MIS18BP1: variants seen among roughly 807,000 people sequenced by gnomAD.
MIS18BP1 encodes the protein MIS18 binding protein 1.
In MIS18BP1, 72 loss-of-function variants were observed where a neutral mutation model predicts 116.1. That is an observed-to-expected ratio of 0.62 (90% CI 0.51 to 0.75). The LOEUF (loss-of-function observed/expected upper bound fraction) is 0.75. Among genes scored for constraint, MIS18BP1 ranks in the 30% least tolerant of loss-of-function variants. The pLI is 0.00. For missense variants in MIS18BP1, 1,363 were observed against 1,303.2 expected, an observed-to-expected ratio of 1.05 and a Z score of -0.71; for synonymous variants, 386 against 427.0, an observed-to-expected ratio of 0.90 and a Z score of 1.18.
At chr14:45,212,077 G>C (rs1890689136) in intron 13 of MIS18BP1, among the ~76,000 whole-genome samples, 1 of 152,144 alleles carries the variant, frequency 6.6e-6, no homozygotes, top group Non-Finnish European at 1.5e-5. Context: ...GGCACCCTCA[G>C]GGCTTTGCTC....
At chr14:45,242,572 A>C in intron 3 of MIS18BP1, 54 bp from the exon 4 acceptor site, 2 of 1,523,246 alleles carry the variant, frequency 1.3e-6, no homozygotes, top group Non-Finnish European at 1.7e-6. Flanking sequence ...GGATCACAGG[A>C]AATTAAAAGA....
intron 6 of MIS18BP1, among the ~76,000 whole-genome samples, chr14:45,234,880 T>G (rs1418683477): frequency 2.0e-5 from 3 of 152,188 alleles, no homozygotes; most frequent in African/African-American, 7.2e-5. Context: ...TCTTATAACA[T>G]AATTCCTTGT....
chr14:45,210,554 C>G, intron 13 of MIS18BP1, 26 bp from the exon 14 acceptor site: 1 of 1,612,354 alleles, frequency 6.2e-7, no homozygotes, highest in Admixed American at 1.7e-5. Flanking sequence ...TTATTATCAG[C>G]AGGCACCCCA....
At position 45,204,207 on chromosome 14, in the gene MIS18BP1, C is replaced by CT; in HGVS notation, c.3300dup (p.Gly1101ArgfsTer12). The CT allele has an allele frequency of 6.2e-7, 1 of 1,604,012 alleles. No individual in the cohort carries two copies. Among genetic ancestry groups the CT allele is most frequent in the Non-Finnish European group, 8.5e-7 (1 of 1,176,922 alleles). ...AGTTTTCCAATACCAGAGTTTTCTC[C>CT]TAAGTCTGTAAAGAGAAGTTTAATA... is the stretch of plus-strand genomic sequence containing the variant. On this transcript the variant is annotated frameshift_variant, in exon 17 of 17. Coordinates refer to ENST00000310806, the MANE Select transcript of MIS18BP1 (RefSeq NM_018353.5). LOFTEE classifies it high-confidence loss of function.
chr14:45,228,061 C>A (rs933608666), intron 8 of MIS18BP1, among the ~76,000 whole-genome samples: 1 of 151,922 alleles, frequency 6.6e-6, no homozygotes, highest in Non-Finnish European at 1.5e-5. Flanking sequence ...TACTTGGGAG[C>A]CTGAGGTGGG....
chr14:45,246,902 G>C lies in MIS18BP1; in HGVS notation c.385C>G (p.Gln129Glu), dbSNP rs1371746869. ...KEKVLRDKQE[Q>E]PSRNSSLLEP... The stretch of plus-strand genomic sequence containing the variant: ...AACAAACTACTGTTTCTTGATGGCT[G>C]TTCTTGCTTGTCACGCAGTACTTTT... Residue 129 changes from glutamine (Q) to glutamate (E), a missense_variant, in exon 2 of 17, where the codon CAG becomes GAG. Coordinates refer to ENST00000310806, the MANE Select transcript of MIS18BP1 (RefSeq NM_018353.5). 6.2e-7 allele frequency: 1 copy of C among 1,609,630 alleles called. No individual in the cohort carries two copies. Among genetic ancestry groups the C allele is most frequent in the Non-Finnish European group, 8.5e-7 (1 of 1,179,002 alleles).
chr14:45,213,057 A>C (rs1199253793), intron 13 of MIS18BP1, among the ~76,000 whole-genome samples: 1 of 152,204 alleles, frequency 6.6e-6, no homozygotes, highest in East Asian at 1.9e-4. Context: ...CTTTTTAAAA[A>C]ATTTTTATAA....
At position 45,250,495 on chromosome 14, in the gene MIS18BP1, C is replaced by A. The variant is rs79362607; in HGVS notation, c.-92+2540G>T. 4.3e-3 allele frequency among the ~76,000 whole-genome samples: 649 copies of A among 152,278 alleles called. 5 individuals carry two copies. The highest frequency in any genetic ancestry group is 0.015 in the African/African-American group (608 of 41,536). Reference sequence around the variant, plus strand: ...CAACCCGCAAGTGGAGGAAAGAACGCCTGTCCTGAAGCCAAGCACATTTGT... The same window carrying A: ...CAACCCGCAAGTGGAGGAAAGAACGACTGTCCTGAAGCCAAGCACATTTGT... On this transcript the variant is annotated intron_variant, in intron 1 of 16. Transcript: ENST00000310806.
chr14:45,237,697 T>A lies in MIS18BP1; in HGVS notation c.1168A>T (p.Ile390Phe). ...GCAGTATTATTATTGATGCTTTTAA[T>A]CATCCATTCCTGTAGCTGAACTACC... Reference protein sequence around the residue: ...NQVVQLQEWMIKSINNNTAIC... With the variant: ...NQVVQLQEWMFKSINNNTAIC... Residue 390 changes from isoleucine to phenylalanine, a missense_variant, in exon 5 of 17, where the codon ATT (isoleucine) becomes TTT (phenylalanine). Transcript: ENST00000310806. 1 of 1,603,334 alleles carries A rather than the reference T, an allele frequency of 6.2e-7. No individual in the cohort carries two copies. The highest frequency in any genetic ancestry group is 8.5e-7 in the Non-Finnish European group (1 of 1,176,304).
chr14:45,231,131 C>T lies in MIS18BP1; in HGVS notation c.1594+10G>A, dbSNP rs1249644291. 27 of 1,609,924 alleles carry T rather than the reference C, an allele frequency of 1.7e-5. No individual in the cohort carries two copies. The highest frequency in any genetic ancestry group is 2.2e-5 in the Non-Finnish European group (26 of 1,178,414). ...CACTGTACCAACAGAGAAGTAAAGA[C>T]AAAACATACCCAAATTATCACAATC... is the stretch of plus-strand genomic sequence containing the variant. On this transcript the variant is annotated intron_variant, in intron 8 of 16. Coordinates refer to ENST00000310806, the MANE Select transcript of MIS18BP1 (RefSeq NM_018353.5).
At chr14:45,239,660 T>A (rs564872204) in intron 4 of MIS18BP1, among the ~76,000 whole-genome samples, 1 of 152,292 alleles carries the variant, frequency 6.6e-6, no homozygotes, top group East Asian at 1.9e-4. Context: ...TTTGATATTT[T>A]AAGGGACTGT....
chr14:45,237,536 T>C, intron 5 of MIS18BP1, 112 bp downstream of exon 5: 1 of 1,325,928 alleles, frequency 7.5e-7, no homozygotes, highest in Non-Finnish European at 1.0e-6. Flanking sequence ...CTTCAGTTCA[T>C]AACCTTGTTA....
rs949048505 is a variant in MIS18BP1, at chr14:45,233,892, G to A, written c.1349-1072C>T. 5.9e-5 allele frequency among the ~76,000 whole-genome samples: 9 copies of A among 152,130 alleles called. No homozygotes were observed. In the South Asian group the frequency reaches 1.9e-3, roughly 32 times the overall value. Reference sequence around the variant, plus strand: ...ATTGGGTACTAAGGGGAGAGGTCTTGGTTTGAGATATAAAATTGGCATTCA... The same window carrying A: ...ATTGGGTACTAAGGGGAGAGGTCTTAGTTTGAGATATAAAATTGGCATTCA... On this transcript the variant is annotated intron_variant, in intron 6 of 16. Coordinates refer to ENST00000310806, the MANE Select transcript of MIS18BP1 (RefSeq NM_018353.5).
chr14:45,244,064 A>AATAACCCCC (rs1891662319), intron 2 of MIS18BP1, among the ~76,000 whole-genome samples: 1 of 152,204 alleles, frequency 6.6e-6, no homozygotes, highest in South Asian at 2.1e-4. Flanking sequence ...ACTCCCTTAG[A>AATAACCCCC]AAACTCTGTG....
At chr14:45,211,641 ACC>A (rs1054688214) in intron 13 of MIS18BP1, among the ~76,000 whole-genome samples, 2 of 152,056 alleles carry the variant, frequency 1.3e-5, no homozygotes, top group Non-Finnish European at 2.9e-5. Flanking sequence ...AAGTAGTTGG[ACC>A]CCTATTGCTG....
rs183041653 is a variant in MIS18BP1, at chr14:45,211,666, G to A, written c.3004-1138C>T. 9.9e-5 allele frequency among the ~76,000 whole-genome samples: 15 copies of A among 152,178 alleles called. No individual in the cohort carries two copies. The East Asian group carries it at 2.9e-3, about 29-fold the overall frequency. ...ACCCCTATTGCTGGTTACAATTTTTGGTGGCCCATACAGGGAGCCCTGTGT... is the reference window on the plus strand; with the variant it reads ...ACCCCTATTGCTGGTTACAATTTTTAGTGGCCCATACAGGGAGCCCTGTGT... On this transcript the variant is annotated intron_variant, in intron 13 of 16. Transcript: ENST00000310806.
chr14:45,218,289 G>A lies in MIS18BP1; in HGVS notation c.2835C>T (p.Gly945=). 1.9e-6 allele frequency: 3 copies of A among 1,613,700 alleles called. No homozygotes were observed. Among genetic ancestry groups the A allele is most frequent in the South Asian group, 1.1e-5 (1 of 90,978 alleles). The change falls in exon 12 of 17, where the codon GGC becomes GGT. Residue 945 remains glycine (G), a synonymous_variant. Coordinates refer to ENST00000310806, the MANE Select transcript of MIS18BP1 (RefSeq NM_018353.5). The part of the protein sequence containing the change: ...VTKKKPANSK[G]QNGKRGDADQ... ...ATTTACTACGAAGGTTACCATTTTG[G>A]CCTTTGGAATTGGCTGGCTTCTTCT...
intron 12 of MIS18BP1, 111 bp from the exon 13 acceptor site, chr14:45,217,290 C>A (rs773277137): frequency 6.6e-5 from 84 of 1,267,940 alleles, no homozygotes; most frequent in Middle Eastern, 6.2e-4. Flanking sequence ...TAAAAAAAAA[C>A]CAAAAAACTC....
intron 11 of MIS18BP1, among the ~76,000 whole-genome samples, chr14:45,219,916 G>C (rs939653623): frequency 2.6e-5 from 4 of 152,100 alleles, no homozygotes; most frequent in Admixed American, 6.6e-5. Context: ...GGTTATTCCA[G>C]ATAATTTAAA....
Sources: gnomAD v4.1 joint callset for allele counts (sites outside exome capture counted in the v4.1 genomes callset) on GRCh38, gnomAD v4.1.1 for gene constraint, MANE v1.5 for transcripts, NCBI Gene and HGNC (gene_info 2026-07-23, HGNC 2026-07-21) for gene names.